The following NRL variants were observed in gnomAD, a reference collection of about 807,000 sequenced individuals.
NRL encodes neural retina leucine zipper, also known as neural retina-specific leucine zipper protein.
In NRL, 16 loss-of-function variants were observed where a neutral mutation model predicts 12.5. That is an observed-to-expected ratio of 1.28 (90% CI 0.87 to 1.95). The LOEUF (loss-of-function observed/expected upper bound fraction) is 1.95. Among genes scored for constraint, NRL ranks in the 30% most tolerant of loss-of-function variants. The pLI, the probability that NRL is intolerant of heterozygous loss-of-function variation, is 0.00. For missense variants in NRL, 314 were observed against 325.8 expected, an observed-to-expected ratio of 0.96 and a Z score of 0.28; for synonymous variants, 142 against 150.9, an observed-to-expected ratio of 0.94 and a Z score of 0.43.
At chr14:24,082,110 T>C in intron 2 of NRL, 1 of 1,233,242 alleles carries the variant, frequency 8.1e-7, no homozygotes, top group Non-Finnish European at 1.0e-6. Flanking sequence ...TCTAAACCAG[T>C]CTTAACCCAG....
chr14:24,090,279 G>C (rs1359386737), intron 1 of NRL, among the ~76,000 whole-genome samples: 4 of 77,820 alleles, frequency 5.1e-5, no homozygotes, highest in Non-Finnish European at 1.2e-4. Flanking sequence ...GGGGGGGGGG[G>C]GGCACGGGGG....
rs977158431 is a variant in NRL, at chr14:24,094,832, C to T, written c.-27-11957G>A. ...CAGGGTACTTCGAGAGGCAGCAGGG[C>T]CCTGGGGACAAGGGTACGTGAGCCC... On this transcript the variant is annotated intron_variant, in intron 1 of 2. Coordinates refer to ENST00000561028, the MANE Select transcript of NRL (RefSeq NM_001354768.3). The surrounding 1 kb of genome is among the most constrained non-coding windows in gnomAD (Gnocchi z 4.1). The T allele has an allele frequency of 1.5e-6, 2 of 1,323,886 alleles. No homozygotes were observed. The highest frequency in any genetic ancestry group is 3.0e-5 in the African/African-American group (2 of 67,224). 82.0% of individuals were successfully genotyped at this position (1,323,886 alleles called of 1,614,324 possible).
At position 24,103,756 on chromosome 14, in the gene NRL, C is replaced by T; in HGVS notation, c.-28+10966G>A. ...GGGGAGGACAGTGCCCGAGAGACACCCATTGGGCTGGTGCCAAAGGAAGGA... is the reference window on the plus strand; with the variant it reads ...GGGGAGGACAGTGCCCGAGAGACACTCATTGGGCTGGTGCCAAAGGAAGGA... On this transcript the variant is annotated intron_variant, in intron 1 of 2. Transcript: ENST00000561028. 6.2e-7 allele frequency: 1 copy of T among 1,614,144 alleles called. No homozygotes were observed.
chr14:24,079,139 C>T lies in NRL; in HGVS notation c.*2097G>A, dbSNP rs2036203380. ...GTGCAACTTTGTTTTTTTAAGTATA[C>T]TCAGGTAACCCAGGAGTATCATTTT... On this transcript the variant is annotated 3_prime_UTR_variant, in exon 3 of 3. Transcript: ENST00000561028. 6.6e-6 allele frequency among the ~76,000 whole-genome samples: 1 copy of T among 152,130 alleles called. No individual in the cohort carries two copies. Among genetic ancestry groups the T allele is most frequent in the Non-Finnish European group, 1.5e-5 (1 of 68,036 alleles).
chr14:24,097,886 G>A (rs1002765949), intron 1 of NRL, among the ~76,000 whole-genome samples: 3 of 151,782 alleles, frequency 2.0e-5, no homozygotes, highest in Non-Finnish European at 4.4e-5. Context: ...GAGCCACTGC[G>A]CCCAGCCTAG....
At chr14:24,089,459 T>G (rs1299477666) in intron 1 of NRL, among the ~76,000 whole-genome samples, 3 of 151,914 alleles carry the variant, frequency 2.0e-5, no homozygotes, top group Non-Finnish European at 4.4e-5. Flanking sequence ...TTGTTCAGGC[T>G]GGTCTTAAAC....
intron 1 of NRL, among the ~76,000 whole-genome samples, chr14:24,092,523 C>T (rs1200312742): frequency 6.6e-6 from 1 of 152,146 alleles, no homozygotes; most frequent in Non-Finnish European, 1.5e-5. Flanking sequence ...AGTGTGCACA[C>T]CTTTAGGCCC....
chr14:24,098,673 G>A lies in NRL; in HGVS notation c.-27-15798C>T, dbSNP rs763339162. 20 of 1,613,274 alleles carry A rather than the reference G, an allele frequency of 1.2e-5. No individual in the cohort carries two copies. The highest frequency in any genetic ancestry group is 1.7e-5 in the Non-Finnish European group (20 of 1,179,822). On this transcript the variant is annotated intron_variant, in intron 1 of 2. Coordinates refer to ENST00000561028, the MANE Select transcript of NRL (RefSeq NM_001354768.3). The stretch of plus-strand genomic sequence containing the variant: ...CACTCCGTGGGCCAGCCCCTGACAG[G>A]ACAAGGTAAGCACCTGCTCTGCCCC...
chr14:24,103,141 C>G (rs2138975964), intron 1 of NRL: 2 of 1,591,240 alleles, frequency 1.3e-6, no homozygotes, highest in Non-Finnish European at 1.7e-6. Flanking sequence ...GCCTGTGACT[C>G]TGTTCATTGG....
chr14:24,104,023 C>T, intron 1 of NRL: 8 of 1,266,670 alleles, frequency 6.3e-6, no homozygotes, highest in Non-Finnish European at 9.1e-6. Context: ...AGGGAAGGCA[C>T]CTTGCAGAAA....
chr14:24,098,588 A>T (rs1350287888), intron 1 of NRL: 1 of 1,614,044 alleles, frequency 6.2e-7, no homozygotes, highest in African/African-American at 1.3e-5. Context: ...GCGTATTATG[A>T]CCCGACTGGG....
At chr14:24,095,691 C>T (rs575427575) in intron 1 of NRL, among the ~76,000 whole-genome samples, 1 of 152,314 alleles carries the variant, frequency 6.6e-6, no homozygotes, top group South Asian at 2.1e-4. Flanking sequence ...AGGAGAGTAA[C>T]ATCCCCTTCA....
chr14:24,102,973 C>G, intron 1 of NRL: 1 of 1,406,362 alleles, frequency 7.1e-7, no homozygotes, highest in Non-Finnish European at 1.0e-6. Context: ...GATCCAGAGC[C>G]TCAGCCTGGA....
At chr14:24,111,302 G>A (rs2037415282) in intron 1 of NRL, among the ~76,000 whole-genome samples, 1 of 152,180 alleles carries the variant, frequency 6.6e-6, no homozygotes, top group Admixed American at 6.5e-5. Context: ...AGCACTAAAT[G>A]CTGTTAGAGG....
chr14:24,102,860 G>A lies in NRL; in HGVS notation c.-28+11862C>T, dbSNP rs551184706. On this transcript the variant is annotated intron_variant, in intron 1 of 2. Coordinates refer to ENST00000561028, the MANE Select transcript of NRL (RefSeq NM_001354768.3). The stretch of plus-strand genomic sequence containing the variant: ...GGCCCCAGAGGGTGTCCCCATTGAC[G>A]CCATCATCTTTGGTGGCCGCAGACC... 6.8e-6 allele frequency: 11 copies of A among 1,613,898 alleles called. No individual in the cohort carries two copies. The highest frequency in any genetic ancestry group is 1.7e-4 in the Middle Eastern group (1 of 6,038).
chr14:24,088,652 CTT>C (rs549787856), intron 1 of NRL, among the ~76,000 whole-genome samples: 84 of 137,526 alleles, frequency 6.1e-4, no homozygotes, highest in Middle Eastern at 3.8e-3. Context: ...CTGAATTATA[CTT>C]TTTTTTTTTT....
Position 24,103,809 on chromosome 14 carries a change from A to G in NRL, c.-28+10913T>C, listed in dbSNP as rs151126863. On this transcript the variant is annotated intron_variant, in intron 1 of 2. Transcript: ENST00000561028. ...CTTGGATCTCAGCGGCCTCAGAGCT[A>G]TAGACACCACTCAGCTGTTCTCCCT... The G allele has an allele frequency of 6.8e-5, 110 of 1,614,160 alleles. No homozygotes were observed. The African/African-American group carries it at 1.4e-3, about 20-fold the overall frequency.
In NRL at chr14:24,081,840, AC is replaced by A; in HGVS notation, c.382-273del. 7.1e-7 allele frequency: 1 copy of A among 1,399,210 alleles called. No individual in the cohort carries two copies. Among genetic ancestry groups the A allele is most frequent in the Non-Finnish European group, 9.3e-7 (1 of 1,076,910 alleles). 86.7% of individuals were successfully genotyped at this position (1,399,210 alleles called of 1,614,324 possible). On this transcript the variant is annotated intron_variant, in intron 2 of 2. Transcript: ENST00000561028. The surrounding 1 kb of genome is among the most constrained non-coding windows in gnomAD (Gnocchi z 4.4). ...TCAGGCGAGCCCGTCGCGCACCTAA[AC>A]CCCGGGCTCGTCTCTGGGATCCCCG...
At chr14:24,093,689 AG>A (rs2036714168) in intron 1 of NRL, among the ~76,000 whole-genome samples, 1 of 152,114 alleles carries the variant, frequency 6.6e-6, no homozygotes, top group Non-Finnish European at 1.5e-5. Context: ...TCAGGGGAAG[AG>A]GGGATGTGCC....
Sources: allele counts gnomAD v4.1 joint callset (sites outside exome capture counted in the v4.1 genomes callset), GRCh38; gene constraint gnomAD v4.1.1; non-coding constraint Gnocchi (gnomAD v3.1); transcripts MANE v1.5; gene names NCBI Gene and HGNC (gene_info 2026-07-23, HGNC 2026-07-21).